PBRM1: variants seen among roughly 807,000 people sequenced by gnomAD.
The protein encoded by PBRM1 is polybromo 1.
Under a neutral mutation model 194.5 loss-of-function variants are expected in PBRM1, and 27 were observed. The observed-to-expected ratio is 0.14, with a 90% CI of 0.10 to 0.19. The LOEUF (loss-of-function observed/expected upper bound fraction) is 0.19. PBRM1 is among the 10% of genes least tolerant of loss of function. The probability of loss-of-function intolerance (pLI) is 1.00; values close to 1 mark genes in which losing one functional copy is unlikely to be tolerated. For missense variants in PBRM1, 1,466 were observed against 2,077.2 expected, an observed-to-expected ratio of 0.71 and a Z score of 5.72; for synonymous variants, 655 against 693.2, an observed-to-expected ratio of 0.94 and a Z score of 0.87.
At chr3:52,552,668 C>T (rs2081262019) in intron 27 of PBRM1, among the ~76,000 whole-genome samples, 1 of 152,124 alleles carries the variant, frequency 6.6e-6, no homozygotes, top group Non-Finnish European at 1.5e-5. Context: ...CAGCTATGTC[C>T]CAACACCCAC....
At chr3:52,644,444 G>A (rs2096227894) in intron 8 of PBRM1, among the ~76,000 whole-genome samples, 1 of 152,048 alleles carries the variant, frequency 6.6e-6, no homozygotes. Context: ...GAGTGCAGTG[G>A]TGCGGTCTCA....
chr3:52,607,082 G>T (rs1196765113), intron 16 of PBRM1, among the ~76,000 whole-genome samples: 2 of 152,092 alleles, frequency 1.3e-5, no homozygotes, highest in East Asian at 3.8e-4. Flanking sequence ...AGACTTCATT[G>T]AATTTATGAA....
At chr3:52,668,626 C>T (rs1263745037) in exon 3 of PBRM1, 1 of 1,578,196 alleles carries the variant, frequency 6.3e-7, no homozygotes, top group Admixed American at 1.9e-5. Flanking sequence ...GAAACCACTT[C>T]ATAATAGTCT....
chr3:52,593,501 T>C (rs531890976), intron 17 of PBRM1, among the ~76,000 whole-genome samples: 1 of 152,324 alleles, frequency 6.6e-6, no homozygotes, highest in South Asian at 2.1e-4. Flanking sequence ...CCTCCCAAAA[T>C]GCTTGGATTA....
chr3:52,564,992 G>A (rs1377091082), intron 22 of PBRM1, among the ~76,000 whole-genome samples: 1 of 152,018 alleles, frequency 6.6e-6, no homozygotes, highest in African/African-American at 2.4e-5. Context: ...GAGGTCAAGA[G>A]ATCGAGACCG....
intron 2 of PBRM1, among the ~76,000 whole-genome samples, chr3:52,675,406 C>T (rs1004195644): frequency 6.6e-6 from 1 of 152,136 alleles, no homozygotes; most frequent in Admixed American, 6.5e-5. Context: ...GACAAAGATA[C>T]TACAAGAAAA....
intron 27 of PBRM1, 21 bp from the exon 30 acceptor site, chr3:52,550,838 G>C (rs2080795208): frequency 6.5e-7 from 1 of 1,532,088 alleles, no homozygotes; most frequent in Non-Finnish European, 9.0e-7. Context: ...GAATGCAATG[G>C]CACAGTTAGA....
intron 27 of PBRM1, among the ~76,000 whole-genome samples, chr3:52,553,730 C>T (rs1033046007): frequency 6.8e-6 from 1 of 147,302 alleles, no homozygotes; most frequent in African/African-American, 2.5e-5. Flanking sequence ...GGTGCAATCT[C>T]GGCTCACTGC....
intron 17 of PBRM1, among the ~76,000 whole-genome samples, chr3:52,596,716 C>T (rs2093594116): frequency 6.6e-6 from 1 of 152,058 alleles, no homozygotes; most frequent in African/African-American, 2.4e-5. Context: ...GGTATCTAAG[C>T]TGCAAGGCAA....
intron 15 of PBRM1, among the ~76,000 whole-genome samples, chr3:52,611,790 TAA>T (rs1372080198): frequency 6.6e-6 from 1 of 150,678 alleles, no homozygotes; most frequent in African/African-American, 2.4e-5. Context: ...GGTGACAGAG[TAA>T]GACCCTGTCT....
chr3:52,548,951 G>A (rs2080158277), intron 29 of PBRM1, among the ~76,000 whole-genome samples: 1 of 151,586 alleles, frequency 6.6e-6, no homozygotes. Context: ...AAATACATAA[G>A]TATGTTGAAC....
At chr3:52,568,338 T>A (rs1240938951) in intron 22 of PBRM1, among the ~76,000 whole-genome samples, 1 of 152,206 alleles carries the variant, frequency 6.6e-6, no homozygotes, top group East Asian at 1.9e-4. Context: ...TGGATGTTGA[T>A]CTTTATCTAA....
upstream of PBRM1, chr3:52,679,741 C>G (rs2097171427): frequency 1.9e-6 from 3 of 1,605,550 alleles, no homozygotes; most frequent in Non-Finnish European, 2.6e-6. Flanking sequence ...AAGAAATAAT[C>G]AGCCATGTTC....
intron 10 of PBRM1, among the ~76,000 whole-genome samples, chr3:52,635,851 C>A (rs2095789185): frequency 6.6e-6 from 1 of 151,868 alleles, no homozygotes; most frequent in South Asian, 2.1e-4. Context: ...TGGGCTGATT[C>A]TTTTTTATTT....
intron 7 of PBRM1, among the ~76,000 whole-genome samples, chr3:52,645,906 C>T (rs761858842): frequency 6.6e-6 from 1 of 152,120 alleles, no homozygotes; most frequent in African/African-American, 2.4e-5. Context: ...AAAGCAAAAC[C>T]GCAGATAAGG....
At chr3:52,559,629 A>C (rs1384429473) in intron 25 of PBRM1, among the ~76,000 whole-genome samples, 3 of 152,116 alleles carry the variant, frequency 2.0e-5, no homozygotes, top group African/African-American at 7.2e-5. Context: ...GAGGGGGAAA[A>C]TAGCTCGAGG....
chr3:52,619,502 A>T (rs570216207), intron 13 of PBRM1, among the ~76,000 whole-genome samples: 15 of 152,072 alleles, frequency 9.9e-5, no homozygotes, highest in East Asian at 5.8e-4. Flanking sequence ...CAATTAAAAA[A>T]TTTTTTTTTC....
chr3:52,557,797 C>T (rs2082525711), intron 26 of PBRM1, among the ~76,000 whole-genome samples: 1 of 152,134 alleles, frequency 6.6e-6, no homozygotes, highest in Non-Finnish European at 1.5e-5. Flanking sequence ...GTCAAAAAAT[C>T]CTTTTAAACG....
chr3:52,571,854 CCCAAAAA>C (rs1212768460), intron 22 of PBRM1, among the ~76,000 whole-genome samples: 1,163 of 36,526 alleles, frequency 0.032, 79 homozygotes, highest in African/African-American at 0.095. Context: ...ACCTCATCTC[CCCAAAAA>C]AAAAAAAAAA....
Sources: gnomAD v4.1 joint callset for allele counts (sites outside exome capture counted in the v4.1 genomes callset) on GRCh38, gnomAD v4.1.1 for gene constraint, MANE v1.5 for transcripts, NCBI Gene and HGNC (gene_info 2026-07-23, HGNC 2026-07-21) for gene names.